Variants in MYH9 observed in about 807,000 individuals in gnomAD.
The protein encoded by MYH9 is myosin heavy chain 9.
In MYH9, 29 loss-of-function variants were observed where a neutral mutation model predicts 241.9. The ratio of observed to expected loss-of-function variants is 0.12; its 90% confidence interval spans 0.09 to 0.16. The LOEUF (loss-of-function observed/expected upper bound fraction) is 0.16, where lower values mean the gene tolerates loss of function less well. MYH9 is among the 10% of genes least tolerant of loss of function. The pLI, the probability that MYH9 is intolerant of heterozygous loss-of-function variation, is 1.00. For synonymous variants in MYH9, 1,047 were observed against 1,062.6 expected, an observed-to-expected ratio of 0.99 and a Z score of 0.29; for missense variants, 1,803 against 2,595.5, an observed-to-expected ratio of 0.69 and a Z score of 6.63.
Position 36,293,696 on chromosome 22 carries a change from T to G in MYH9, c.3942+63A>C. 2.7e-6 allele frequency: 4 copies of G among 1,457,766 alleles called. No homozygotes were observed. Among genetic ancestry groups the G allele is most frequent in the Non-Finnish European group, 3.8e-6 (4 of 1,046,460 alleles). The allele number at this position is 1,457,766 out of a possible 1,614,324, so 90.3% of individuals were successfully genotyped here. ...AATCCGATGGGCTCTGAAGCTAATG[T>G]TGCGTGGACACAGAGGCCTTTCTGG... is the stretch of plus-strand genomic sequence containing the variant. On this transcript the variant is annotated intron_variant, in intron 29 of 40. Coordinates refer to ENST00000216181, the MANE Select transcript of MYH9 (RefSeq NM_002473.6). This position sits in a 1 kb window ranked among gnomAD's most constrained non-coding sequence, Gnocchi z 5.1.
chr22:36,288,964 G>A lies in MYH9; in HGVS notation c.4558-25C>T. ...CCTGAGCCCCAGAGAGCCCAAGTCAGGAGCAAAGGGACTGGCAGGTACCTG... is the reference window on the plus strand; with the variant it reads ...CCTGAGCCCCAGAGAGCCCAAGTCAAGAGCAAAGGGACTGGCAGGTACCTG... On this transcript the variant is annotated intron_variant, in intron 32 of 40. Transcript: ENST00000216181. The surrounding 1 kb of genome is among the most constrained non-coding windows in gnomAD (Gnocchi z 4.8). The A allele has an allele frequency of 6.2e-7, 1 of 1,613,596 alleles. No individual in the cohort carries two copies. Among genetic ancestry groups the A allele is most frequent in the Non-Finnish European group, 8.5e-7 (1 of 1,180,014 alleles).
intron 2 of MYH9, among the ~76,000 whole-genome samples, chr22:36,343,253 G>C (rs915018047): frequency 6.6e-6 from 1 of 152,148 alleles, no homozygotes; most frequent in Non-Finnish European, 1.5e-5. Flanking sequence ...CAAAACAGCT[G>C]AGGCCACACA....
At position 36,313,586 on chromosome 22, in the gene MYH9, G is replaced by A. The variant is rs138480716; in HGVS notation, c.1554+559C>T. ...TCTACCTGGCAAGAGGTTTAAGTAT[G>A]AACTCATTGGAAAGGGTTCCTCTTT... On this transcript the variant is annotated intron_variant, in intron 13 of 40. Coordinates refer to ENST00000216181, the MANE Select transcript of MYH9 (RefSeq NM_002473.6). Among the ~76,000 whole-genome samples, 455 of 151,814 alleles carry A rather than the reference G, an allele frequency of 3.0e-3. 3 individuals carry two copies. The highest frequency in any genetic ancestry group is 0.01 in the Middle Eastern group (3 of 290).
intron 13 of MYH9, among the ~76,000 whole-genome samples, chr22:36,312,938 G>A (rs896501807): frequency 1.7e-4 from 25 of 150,950 alleles, no homozygotes; most frequent in Non-Finnish European, 2.8e-4. Flanking sequence ...GTGAAACTCC[G>A]TCTCTACTAA....
intron 10 of MYH9, among the ~76,000 whole-genome samples, chr22:36,318,719 C>G (rs894450976): frequency 6.6e-6 from 1 of 152,176 alleles, no homozygotes; most frequent in Non-Finnish European, 1.5e-5. Context: ...GAGGAGCAGG[C>G]CAACCTGGTG....
In MYH9 at chr22:36,305,355, C is replaced by T. The variant is rs148166309; in HGVS notation, c.2160-253G>A. ...TAGGACCGTTTCAATCACTCAAGGGCGTGCTTCAGGTTGGACTAAGTGCTA... is the reference window on the plus strand; with the variant it reads ...TAGGACCGTTTCAATCACTCAAGGGTGTGCTTCAGGTTGGACTAAGTGCTA... On this transcript the variant is annotated intron_variant, in intron 17 of 40. Transcript: ENST00000216181. This position sits in a 1 kb window ranked among gnomAD's most constrained non-coding sequence, Gnocchi z 4.7. 1.7e-3 allele frequency among the ~76,000 whole-genome samples: 258 copies of T among 152,218 alleles called. No homozygotes were observed. The highest frequency in any genetic ancestry group is 5.6e-3 in the African/African-American group (231 of 41,526).
At chr22:36,313,004 C>A (rs543469164) in intron 13 of MYH9, among the ~76,000 whole-genome samples, 1 of 149,568 alleles carries the variant, frequency 6.7e-6, no homozygotes, top group Non-Finnish European at 1.5e-5. Flanking sequence ...GCAGGAGAAT[C>A]GCTTCAAACA....
intron 1 of MYH9, among the ~76,000 whole-genome samples, chr22:36,357,286 G>A (rs752261401): frequency 6.6e-6 from 1 of 152,322 alleles, no homozygotes; most frequent in Non-Finnish European, 1.5e-5. Flanking sequence ...GGCAGGGAAG[G>A]GAAGAGATGG....
intron 1 of MYH9, among the ~76,000 whole-genome samples, chr22:36,351,385 A>C (rs1402464067): frequency 6.6e-6 from 1 of 152,156 alleles, no homozygotes; most frequent in Non-Finnish European, 1.5e-5. Context: ...AATGAGTCAG[A>C]GCAAACAAGA....
chr22:36,376,708 G>T (rs10483194), intron 1 of MYH9, among the ~76,000 whole-genome samples: 6,896 of 152,280 alleles, frequency 0.045, 424 homozygotes, highest in African/African-American at 0.12. Context: ...GTAAAATGAA[G>T]AGGTCACTAA....
At chr22:36,377,918 C>CA (rs199683456) in intron 1 of MYH9, among the ~76,000 whole-genome samples, 20 of 150,152 alleles carry the variant, frequency 1.3e-4, no homozygotes, top group African/African-American at 2.4e-4. Flanking sequence ...CTCAAAAAAA[C>CA]AAAAAAAAAC....
intron 1 of MYH9, among the ~76,000 whole-genome samples, chr22:36,368,986 A>C (rs575564520): frequency 6.6e-6 from 1 of 152,242 alleles, no homozygotes; most frequent in East Asian, 1.9e-4. Context: ...AAAAGGGAAG[A>C]GACCCACCCC....
intron 1 of MYH9, among the ~76,000 whole-genome samples, chr22:36,353,058 G>T (rs2017794714): frequency 6.6e-6 from 1 of 152,126 alleles, no homozygotes; most frequent in African/African-American, 2.4e-5. Flanking sequence ...CCACAGGGCT[G>T]CAGCAGAGCT....
At position 36,285,386 on chromosome 22, in the gene MYH9, GAGCAGGGCCAGAGGAAGGTGGC is replaced by G; in HGVS notation, c.5275-79_5275-58del. 6.4e-7 allele frequency: 1 copy of G among 1,554,886 alleles called. No individual in the cohort carries two copies. The highest frequency in any genetic ancestry group is 8.8e-7 in the Non-Finnish European group (1 of 1,138,012). On this transcript the variant is annotated intron_variant, in intron 37 of 40. Transcript: ENST00000216181. The surrounding 1 kb of genome is among the most constrained non-coding windows in gnomAD (Gnocchi z 7.0). ...GGCTGGGGCCCTGGCTGGAGGGCAT[GAGCAGGGCCAGAGGAAGGTGGC>G]AGCAGGATCCCACCAAACCCTTGGG...
At chr22:36,362,072 A>T (rs1312817660) in intron 1 of MYH9, among the ~76,000 whole-genome samples, 11 of 152,248 alleles carry the variant, frequency 7.2e-5, no homozygotes, top group Admixed American at 5.9e-4. Context: ...CTGCCTCAAA[A>T]ATAAAAAAAA....
chr22:36,376,228 T>C (rs544812283), intron 1 of MYH9, among the ~76,000 whole-genome samples: 3 of 152,252 alleles, frequency 2.0e-5, no homozygotes, highest in Admixed American at 2.0e-4. Flanking sequence ...CCCAAAATGC[T>C]GGGATTACAG....
intron 24 of MYH9, among the ~76,000 whole-genome samples, chr22:36,298,593 AGCCT>A (rs1247860244): frequency 6.6e-6 from 1 of 152,048 alleles, no homozygotes; most frequent in Non-Finnish European, 1.5e-5. Context: ...TCAAACCCGG[AGCCT>A]CCTAGGAAGT....
Position 36,296,823 on chromosome 22 carries a change from CG to C in MYH9, c.3272+19del. 1 of 1,592,272 alleles carries C rather than the reference CG, an allele frequency of 6.3e-7. No homozygotes were observed. Among genetic ancestry groups the C allele is most frequent in the Non-Finnish European group, 8.6e-7 (1 of 1,168,948 alleles). ...CTGGCCCAGGCCACCTGGCCTCAGG[CG>C]GGCAGGCGGGGTCCTCACCTGGCCA... On this transcript the variant is annotated intron_variant, in intron 25 of 40. Coordinates refer to ENST00000216181, the MANE Select transcript of MYH9 (RefSeq NM_002473.6).
chr22:36,303,118 G>A (rs1324112544), intron 19 of MYH9, among the ~76,000 whole-genome samples: 1 of 152,102 alleles, frequency 6.6e-6, no homozygotes, highest in Non-Finnish European at 1.5e-5. Context: ...TGTGAAGGTG[G>A]GCTGCAGGTG....
Sources: allele counts gnomAD v4.1 joint callset (sites outside exome capture counted in the v4.1 genomes callset), GRCh38; gene constraint gnomAD v4.1.1; non-coding constraint Gnocchi (gnomAD v3.1); transcripts MANE v1.5; gene names NCBI Gene and HGNC (gene_info 2026-07-23, HGNC 2026-07-21).